PABPN1L: variants seen among roughly 807,000 people sequenced by gnomAD.
PABPN1L encodes PABPN1 like, cytoplasmic, also known as embryonic polyadenylate-binding protein 2.
A neutral mutation model predicts 34.0 loss-of-function variants in PABPN1L; 45 were observed. That is an observed-to-expected ratio of 1.32 (90% confidence interval 1.04 to 1.70). The LOEUF is 1.70. PABPN1L is among the 40% of genes most tolerant of loss of function. The pLI, the probability that PABPN1L is intolerant of heterozygous loss-of-function variation, is 0.00. For missense variants in PABPN1L, 459 were observed against 367.8 expected, an observed-to-expected ratio of 1.25 and a Z score of -2.03; for synonymous variants, 182 against 152.1, an observed-to-expected ratio of 1.20 and a Z score of -1.45.
At chr16:88,864,789 T>C (rs1019586685) in intron 5 of PABPN1L, 64 bp downstream of exon 5, 3 of 1,477,030 alleles carry the variant, frequency 2.0e-6, no homozygotes, top group Non-Finnish European at 2.8e-6. Flanking sequence ...CTGCTGTGTG[T>C]CCCAGGGCCA....
intron 3 of PABPN1L, 116 bp downstream of exon 3, chr16:88,865,447 C>A: frequency 7.5e-7 from 1 of 1,330,494 alleles, no homozygotes; most frequent in South Asian, 1.3e-5. Context: ...CGGGGCTGCC[C>A]CCAGGGTCAG....
chr16:88,864,119 G>GC, intron 6 of PABPN1L, 118 bp downstream of exon 6: 1 of 1,338,244 alleles, frequency 7.5e-7, no homozygotes, highest in Non-Finnish European at 9.9e-7. Context: ...CCTCACCCAG[G>GC]CCCCGCCAGG....
intron 2 of PABPN1L, 49 bp downstream of exon 2, chr16:88,865,757 C>A: frequency 6.4e-7 from 1 of 1,572,138 alleles, no homozygotes. Context: ...TTAATGGAAA[C>A]TGTGGGACCC....
chr16:88,863,887 G>C, intron 6 of PABPN1L, 92 bp from the exon 7 acceptor site: 1 of 1,297,182 alleles, frequency 7.7e-7, no homozygotes. Flanking sequence ...AAGGATGCAG[G>C]GAGGTCACCT....
At chr16:88,865,962 G>T in intron 1 of PABPN1L, 21 bp from the exon 2 acceptor site, 1 of 1,598,054 alleles carries the variant, frequency 6.3e-7, no homozygotes, top group Non-Finnish European at 8.5e-7. Flanking sequence ...ACGGCCCTGA[G>T]CCGGGCAGGC....
At chr16:88,865,210 C>T (rs2143020071) in intron 3 of PABPN1L, 82 bp from the exon 4 acceptor site, 3 of 1,428,904 alleles carry the variant, frequency 2.1e-6, no homozygotes, top group African/African-American at 1.4e-5. Flanking sequence ...AGGAAAGAAA[C>T]CCCAAGGCTG....
chr16:88,866,568 C>G (rs77252404), exon 1 of PABPN1L: 49,876 of 1,553,542 alleles, frequency 0.032, 1,252 homozygotes, highest in African/African-American at 0.13. Context: ...AGGCCTGAGT[C>G]GGGGGTGGGA....
At chr16:88,864,466 T>A in intron 5 of PABPN1L, 87 bp from the exon 6 acceptor site, 1 of 1,462,040 alleles carries the variant, frequency 6.8e-7, no homozygotes, top group Non-Finnish European at 9.1e-7. Context: ...CCCCGGAGCA[T>A]GGGGTCCTGC....
At chr16:88,866,207 C>T in intron 1 of PABPN1L, 145 bp downstream of exon 1, 1 of 1,360,648 alleles carries the variant, frequency 7.3e-7, no homozygotes, top group Non-Finnish European at 9.8e-7. Flanking sequence ...GGGGGGTCTC[C>T]TTGCCACCTT....
At chr16:88,864,699 C>G (rs1238595547) in intron 5 of PABPN1L, among the ~76,000 whole-genome samples, 154 bp downstream of exon 5, 1 of 152,148 alleles carries the variant, frequency 6.6e-6, no homozygotes, top group Admixed American at 6.5e-5. Context: ...GCTTCAGGTC[C>G]GAGGGTCCCG....
intron 6 of PABPN1L, 119 bp from the exon 7 acceptor site, chr16:88,863,914 C>T (rs1317201556): frequency 5.7e-6 from 6 of 1,055,498 alleles, no homozygotes; most frequent in Admixed American, 4.6e-5. Context: ...TCAGGCAATG[C>T]CCCAGGGGCC....
At chr16:88,867,700 C>G (rs28363925), upstream of PABPN1L, among the ~76,000 whole-genome samples, 14,606 of 152,150 alleles carry the variant, frequency 0.096, 1,655 homozygotes, top group African/African-American at 0.27. Flanking sequence ...GGTGTCTGCA[C>G]CTGGCTTCAC....
upstream of PABPN1L, among the ~76,000 whole-genome samples, chr16:88,869,829 G>A (rs1393487973): frequency 2.0e-5 from 3 of 152,258 alleles, no homozygotes; most frequent in Non-Finnish European, 4.4e-5. Context: ...GCCCGGCCAG[G>A]GCTCCTGCCA....
At chr16:88,865,694 G>A in intron 2 of PABPN1L, 64 bp from the exon 3 acceptor site, 1 of 1,556,814 alleles carries the variant, frequency 6.4e-7, no homozygotes, top group Non-Finnish European at 8.7e-7. Context: ...TCACGGGGAA[G>A]GTCGCCCAGG....
At position 88,864,895 on chromosome 16, in the gene PABPN1L, G is replaced by A. The variant is rs759477303; in HGVS notation, c.612C>T (p.Ala204=). 7.1e-5 allele frequency: 111 copies of A among 1,558,522 alleles called. 1 individual carries two copies. In the South Asian group the frequency reaches 1.1e-3, roughly 15 times the overall value. The stretch of plus-strand genomic sequence containing the variant: ...GGAAGAGGCTCTGGTCCAGCTCCAC[G>A]GCGGCCTGCACGGAGCCCTTGGTGG... Residue 204 remains alanine, a synonymous_variant, in exon 5 of 7, where the codon GCC becomes GCT. Transcript: ENST00000419291.
intron 5 of PABPN1L, 101 bp downstream of exon 5, chr16:88,864,752 C>G (rs1002138007): frequency 2.3e-6 from 3 of 1,280,666 alleles, no homozygotes; most frequent in South Asian, 2.7e-5. Context: ...GCCTGAGACA[C>G]GCTGTGCAGA....
rs182383202 is a variant in PABPN1L at position 88,866,424 on chromosome 16, C to G, written c.183G>C (p.Gln61His). ...ACAGCAGAAAGCCTGCATCCCCATC[C>G]TGGTCTTCCTCTGCATCCTCTTCCT... Residue 61 changes from glutamine to histidine, a missense_variant, in exon 1 of 7, where the codon CAG (glutamine) becomes CAC (histidine). Physicochemically the swap from Gln to His is conservative, Grantham distance 24. Coordinates refer to ENST00000419291, the Ensembl canonical transcript of PABPN1L. 1.6e-4 allele frequency: 255 copies of G among 1,551,496 alleles called. 2 individuals are homozygous for G. Among genetic ancestry groups the G allele is most frequent in the Admixed American group, 5.1e-4 (26 of 51,012 alleles).
At chr16:88,865,526 A>AT (rs768403352) in intron 3 of PABPN1L, 37 bp downstream of exon 3, 38 of 1,593,836 alleles carry the variant, frequency 2.4e-5, no homozygotes, top group Admixed American at 1.4e-4. Context: ...ATGGGGCCCC[A>AT]TTCGCTGCCT....
At chr16:88,865,227 G>C (rs1968561578) in intron 3 of PABPN1L, 99 bp from the exon 4 acceptor site, 2 of 1,314,390 alleles carry the variant, frequency 1.5e-6, no homozygotes, top group East Asian at 5.0e-5. Flanking sequence ...GCTGGGCCCC[G>C]TGGCGGGGAT....
Sources: gnomAD v4.1 joint callset for allele counts (sites outside exome capture counted in the v4.1 genomes callset) on GRCh38, gnomAD v4.1.1 for gene constraint, MANE v1.5 for transcripts, NCBI Gene and HGNC (gene_info 2026-07-23, HGNC 2026-07-21) for gene names.